CCSER1: variants seen among roughly 807,000 people sequenced by gnomAD.
CCSER1 encodes coiled-coil serine rich protein 1, also known as serine-rich coiled-coil domain-containing protein 1.
CCSER1 carries 41 observed loss-of-function variants against 82.0 expected under a neutral mutation model. The observed-to-expected ratio is 0.50, with a 90% CI of 0.39 to 0.65. The LOEUF is 0.65. CCSER1 is among the 30% of genes least tolerant of loss of function. CCSER1 has a pLI of 0.00. For synonymous variants in CCSER1, 414 were observed against 383.9 expected (o/e 1.08, Z -0.92); for missense variants, 1,119 against 1,064.2 (o/e 1.05, Z -0.72).
At chr4:90,774,350 A>G (rs1752619953) in intron 7 of CCSER1, among the ~76,000 whole-genome samples, 1 of 152,004 alleles carries the variant, frequency 6.6e-6, no homozygotes, top group Non-Finnish European at 1.5e-5. Flanking sequence ...TCTTTGCTCA[A>G]AATTATCTGT....
chr4:90,326,047 T>C (rs1487597451), intron 3 of CCSER1, among the ~76,000 whole-genome samples: 1 of 150,106 alleles, frequency 6.7e-6, no homozygotes, highest in Admixed American at 6.8e-5. Flanking sequence ...AATCTTCCTA[T>C]GTGATACCTT....
At chr4:90,632,416 T>C (rs1724623985) in intron 6 of CCSER1, among the ~76,000 whole-genome samples, 1 of 151,966 alleles carries the variant, frequency 6.6e-6, no homozygotes, top group Non-Finnish European at 1.5e-5. Flanking sequence ...CATAACAACA[T>C]AAATCATATT....
intron 1 of CCSER1, among the ~76,000 whole-genome samples, chr4:90,145,557 G>GT (rs1413344052): frequency 2.6e-5 from 4 of 151,990 alleles, no homozygotes; most frequent in Admixed American, 2.6e-4. Context: ...GCGTGATTTT[G>GT]TTTTTTATGT....
At chr4:91,049,232 T>C (rs1017867314) in intron 9 of CCSER1, among the ~76,000 whole-genome samples, 3 of 152,308 alleles carry the variant, frequency 2.0e-5, no homozygotes, top group Admixed American at 2.0e-4. Flanking sequence ...TAACCATGAA[T>C]TTTTACAATG....
intron 10 of CCSER1, among the ~76,000 whole-genome samples, chr4:91,249,101 A>G (rs917288005): frequency 1.3e-5 from 2 of 152,134 alleles, no homozygotes; most frequent in African/African-American, 4.8e-5. Flanking sequence ...TCAAGTAGAA[A>G]TTATTGCTAA....
At chr4:91,093,415 G>A (rs1724177252) in intron 10 of CCSER1, among the ~76,000 whole-genome samples, 1 of 152,240 alleles carries the variant, frequency 6.6e-6, no homozygotes, top group Non-Finnish European at 1.5e-5. Flanking sequence ...TGGTTATGCG[G>A]GGGTTTTCAC....
At chr4:91,428,759 T>C (rs1425766312) in intron 10 of CCSER1, among the ~76,000 whole-genome samples, 1 of 152,068 alleles carries the variant, frequency 6.6e-6, no homozygotes, top group Non-Finnish European at 1.5e-5. Flanking sequence ...GTATTGATAA[T>C]GTGTAATTCT....
At chr4:91,025,913 C>A (rs1447022477) in intron 9 of CCSER1, among the ~76,000 whole-genome samples, 1 of 147,548 alleles carries the variant, frequency 6.8e-6, no homozygotes, top group Non-Finnish European at 1.5e-5. Flanking sequence ...GGGAACACAG[C>A]CTAAACTCAC....
At chr4:91,564,906 T>G (rs1762811139) in intron 10 of CCSER1, among the ~76,000 whole-genome samples, 1 of 151,968 alleles carries the variant, frequency 6.6e-6, no homozygotes, top group Admixed American at 6.6e-5. Context: ...TGTGATTATT[T>G]TTGGTATGTT....
intron 10 of CCSER1, among the ~76,000 whole-genome samples, chr4:91,482,408 CAAAA>C (rs537828832): frequency 1.3e-3 from 88 of 69,982 alleles, no homozygotes; most frequent in African/African-American, 4.6e-3. Context: ...GACTCCGTCT[CAAAA>C]AAAAAAAAAA....
chr4:91,503,599 T>C (rs1759334408), intron 10 of CCSER1, among the ~76,000 whole-genome samples: 1 of 151,972 alleles, frequency 6.6e-6, no homozygotes, highest in Non-Finnish European at 1.5e-5. Flanking sequence ...TGTTTTGAGC[T>C]AAAAAATGTT....
intron 10 of CCSER1, among the ~76,000 whole-genome samples, chr4:91,367,343 A>G (rs1056874066): frequency 6.7e-6 from 1 of 149,926 alleles, no homozygotes; most frequent in Non-Finnish European, 1.5e-5. Flanking sequence ...AAAAAAGTTA[A>G]AATATTAAAT....
intron 8 of CCSER1, among the ~76,000 whole-genome samples, chr4:90,874,484 G>T (rs1338836371): frequency 6.6e-6 from 1 of 151,704 alleles, no homozygotes; most frequent in Non-Finnish European, 1.5e-5. Flanking sequence ...GCTATCTTGT[G>T]GATGGGACAT....
In CCSER1 at chr4:90,130,301, A is replaced by G. The variant is rs559853779; in HGVS notation, c.-42+2470A>G. ...GCTCATGCTTGAGCGTAGAGTTAAC[A>G]ACCCGTAACAATAAGAGATTACATG... On this transcript the variant is annotated intron_variant, in intron 1 of 10. Transcript: ENST00000509176. 8.5e-5 allele frequency among the ~76,000 whole-genome samples: 13 copies of G among 152,336 alleles called. 1 individual carries two copies. The highest frequency in any genetic ancestry group is 3.4e-3 in the Middle Eastern group (1 of 294).
At chr4:90,288,661 A>C (rs1730355570) in intron 1 of CCSER1, among the ~76,000 whole-genome samples, 1 of 151,916 alleles carries the variant, frequency 6.6e-6, no homozygotes, top group Non-Finnish European at 1.5e-5. Flanking sequence ...ATCAGGGTGT[A>C]AAGGACACCC....
chr4:91,365,857 G>A (rs1443354036), intron 10 of CCSER1, among the ~76,000 whole-genome samples: 1 of 152,162 alleles, frequency 6.6e-6, no homozygotes, highest in African/African-American at 2.4e-5. Context: ...GCATTATCCA[G>A]TGTGGAGCGC....
chr4:91,011,367 A>T lies in CCSER1; in HGVS notation c.2173-74583A>T, dbSNP rs1192832185. On this transcript the variant is annotated intron_variant, in intron 9 of 10. Transcript: ENST00000509176. ...CTCTTGGTGCTGGATCTGACATGGC[A>T]TGCAAGCTGTGACATGGCCTACAAT... Among the ~76,000 whole-genome samples, 3 of 134,142 alleles carry T rather than the reference A, an allele frequency of 2.2e-5. 1 individual carries two copies. Among genetic ancestry groups the T allele is most frequent in the African/African-American group, 7.4e-5 (3 of 40,324 alleles). The allele number at this position is 134,142 out of a possible 152,430, so 88.0% of individuals were successfully genotyped here. A position where few individuals can be genotyped will look rare whatever the true frequency, so the allele number is the denominator to read the frequency against.
At chr4:90,273,735 C>T (rs1292710593) in intron 1 of CCSER1, among the ~76,000 whole-genome samples, 2 of 152,128 alleles carry the variant, frequency 1.3e-5, no homozygotes, top group Non-Finnish European at 2.9e-5. Context: ...CTCCCTGCTT[C>T]ACAAGCCAAA....
intron 10 of CCSER1, among the ~76,000 whole-genome samples, chr4:91,381,068 A>T (rs536427819): frequency 6.6e-6 from 1 of 152,268 alleles, no homozygotes; most frequent in South Asian, 2.1e-4. Context: ...AATGTTGAAT[A>T]TTGGCCCCCA....
Sources: allele counts gnomAD v4.1 joint callset (sites outside exome capture counted in the v4.1 genomes callset), GRCh38; gene constraint gnomAD v4.1.1; transcripts MANE v1.5; gene names NCBI Gene and HGNC (gene_info 2026-07-23, HGNC 2026-07-21).